Variants in MAK observed in about 807,000 individuals in gnomAD.
The protein encoded by MAK is serine/threonine-protein kinase MAK.
A neutral mutation model predicts 82.6 loss-of-function variants in MAK; 65 were observed. The ratio of observed to expected loss-of-function variants is 0.79; its 90% CI spans 0.64 to 0.97. The LOEUF is 0.97. Ranked by LOEUF, MAK falls within the 50% of genes least tolerant of loss-of-function variation. The pLI is 0.00. For synonymous variants in MAK, 250 were observed against 274.2 expected (o/e 0.91, Z 0.87); for missense variants, 703 against 780.2 (o/e 0.90, Z 1.18).
intron 11 of MAK, among the ~76,000 whole-genome samples, chr6:10,780,517 C>T (rs1257652353): frequency 1.5e-5 from 2 of 137,464 alleles, no homozygotes; most frequent in Non-Finnish European, 3.0e-5. Context: ...TGCAGTAGGG[C>T]GATCTCAGCT....
chr6:10,811,938 G>C (rs1776964896), intron 5 of MAK, among the ~76,000 whole-genome samples: 1 of 152,134 alleles, frequency 6.6e-6, no homozygotes, highest in African/African-American at 2.4e-5. Context: ...GATGGCTCCT[G>C]CCTGTAATCC....
intron 10 of MAK, among the ~76,000 whole-genome samples, chr6:10,789,023 A>G (rs1411051021): frequency 6.6e-6 from 1 of 152,150 alleles, no homozygotes; most frequent in South Asian, 2.1e-4. Context: ...TATCCATAAT[A>G]CACTCTGATC....
chr6:10,811,778 A>T (rs1249534119), intron 5 of MAK, among the ~76,000 whole-genome samples: 5 of 152,230 alleles, frequency 3.3e-5, no homozygotes, highest in Non-Finnish European at 1.5e-5. Flanking sequence ...TTCTTAAAAC[A>T]TTCTAAACAT....
At chr6:10,818,677 A>C (rs1468525831) in intron 3 of MAK, among the ~76,000 whole-genome samples, 1 of 152,146 alleles carries the variant, frequency 6.6e-6, no homozygotes, top group Non-Finnish European at 1.5e-5. Context: ...TTAAAAGTGA[A>C]AGTGAATTTT....
chr6:10,767,912 T>C (rs1444316838), intron 14 of MAK, among the ~76,000 whole-genome samples: 2 of 152,166 alleles, frequency 1.3e-5, no homozygotes, highest in Non-Finnish European at 2.9e-5. Context: ...GGTTTTATTT[T>C]CTTGTGGGAA....
At chr6:10,813,120 ATATATATATATATAAATTTTT>A (rs1777138186) in intron 5 of MAK, among the ~76,000 whole-genome samples, 10 of 1,590 alleles carry the variant, frequency 6.3e-3, no homozygotes, top group Non-Finnish European at 8.5e-3. Context: ...ATATATATAT[ATATATATATATATAAATTTTT>A]TTTTTTTTTT....
chr6:10,799,856 T>C (rs909538222), intron 8 of MAK, among the ~76,000 whole-genome samples: 2 of 151,962 alleles, frequency 1.3e-5, no homozygotes, highest in Non-Finnish European at 2.9e-5. Flanking sequence ...AAGATCAGCC[T>C]GACCAACAAG....
chr6:10,826,058 G>A (rs566035), intron 2 of MAK, among the ~76,000 whole-genome samples: 7,222 of 152,004 alleles, frequency 0.048, 220 homozygotes, highest in Admixed American at 0.094. Context: ...AGATATACAC[G>A]CTCCTTCATC....
chr6:10,827,625 A>C (rs746847995), intron 2 of MAK: 3 of 152,140 alleles, frequency 2.0e-5, no homozygotes, highest in Non-Finnish European at 4.4e-5. Context: ...TGAATTATGT[A>C]GGTTAGGGAA....
chr6:10,796,290 A>C lies in MAK; in HGVS notation c.851T>G (p.Phe284Cys), dbSNP rs763618857. The C allele has an allele frequency of 3.1e-6, 5 of 1,613,642 alleles. No individual in the cohort carries two copies. The highest frequency in any genetic ancestry group is 4.2e-6 in the Non-Finnish European group (5 of 1,179,938). The change falls in exon 9 of 15, where the codon TTT becomes TGT. Residue 284 changes from phenylalanine to cysteine, a missense_variant. Phe to Cys is a radical substitution (Grantham distance 205, BLOSUM62 -2). Coordinates refer to ENST00000354489, the MANE Select transcript of MAK (RefSeq NM_001242957.3). ...TASQALKHPYFQVGQVLGPSS... is the reference protein window; with the variant it reads ...TASQALKHPYCQVGQVLGPSS... ...AGGGCCTAATACCTGACCAACTTGA[A>C]AATATGGGTGTTTCAATGCCTATAA...
chr6:10,799,735 A>G (rs1425837565), intron 8 of MAK, among the ~76,000 whole-genome samples: 8 of 152,250 alleles, frequency 5.3e-5, no homozygotes, highest in Admixed American at 4.6e-4. Context: ...GATCAACAGC[A>G]GCCTGGCCAA....
At chr6:10,770,411 A>G (rs919229786) in intron 13 of MAK, among the ~76,000 whole-genome samples, 181 bp from the exon 14 acceptor site, 1 of 152,174 alleles carries the variant, frequency 6.6e-6, no homozygotes, top group African/African-American at 2.4e-5. Context: ...CGCTTAGATC[A>G]TATTAGTATC....
intron 2 of MAK, among the ~76,000 whole-genome samples, chr6:10,822,146 CAAA>C (rs751345869): frequency 1.9e-4 from 7 of 36,540 alleles, no homozygotes; most frequent in African/African-American, 4.1e-4. Context: ...GACTCCGTCT[CAAA>C]AAAAAAAAAA....
At chr6:10,817,418 G>A (rs1009858904) in intron 4 of MAK, among the ~76,000 whole-genome samples, 1 of 152,130 alleles carries the variant, frequency 6.6e-6, no homozygotes, top group Non-Finnish European at 1.5e-5. Flanking sequence ...ACTGACTTGT[G>A]CATTCTAATG....
chr6:10,798,893 G>A lies in MAK; in HGVS notation c.832-2584C>T, dbSNP rs564710258. Reference sequence around the variant, plus strand: ...CACCCAGGCTGGAGTGCAGTGGCACGATCTTGGCTCATTGCAACCTCCGCC... The same window carrying A: ...CACCCAGGCTGGAGTGCAGTGGCACAATCTTGGCTCATTGCAACCTCCGCC... On this transcript the variant is annotated intron_variant, in intron 8 of 14. Transcript: ENST00000354489. 7.7e-4 allele frequency among the ~76,000 whole-genome samples: 117 copies of A among 151,784 alleles called. 2 individuals carry two copies. The highest frequency in any genetic ancestry group is 2.5e-3 in the African/African-American group (104 of 41,424).
chr6:10,820,945 TTTTA>T (rs749213401), intron 2 of MAK, among the ~76,000 whole-genome samples: 54 of 152,248 alleles, frequency 3.5e-4, no homozygotes, highest in South Asian at 6.2e-4. Flanking sequence ...CTATGATTCT[TTTTA>T]TTTATTTTAT....
At chr6:10,809,242 A>C (rs2127565380) in intron 5 of MAK, among the ~76,000 whole-genome samples, 1 of 152,334 alleles carries the variant, frequency 6.6e-6, no homozygotes, top group South Asian at 2.1e-4. Context: ...AGGTATTACC[A>C]CACTATGATT....
chr6:10,780,870 TTTC>T (rs981244622), intron 11 of MAK, among the ~76,000 whole-genome samples: 2 of 152,164 alleles, frequency 1.3e-5, no homozygotes, highest in African/African-American at 4.8e-5. Flanking sequence ...TCTCTCAGAA[TTTC>T]TTTTTTCTTT....
chr6:10,835,053 C>A (rs1455615207), intron 1 of MAK, among the ~76,000 whole-genome samples: 3 of 152,146 alleles, frequency 2.0e-5, no homozygotes, highest in Non-Finnish European at 4.4e-5. Context: ...ATGGTCGCAC[C>A]GCTCCCCCGC....
Sources: allele counts gnomAD v4.1 joint callset (sites outside exome capture counted in the v4.1 genomes callset), GRCh38; gene constraint gnomAD v4.1.1; transcripts MANE v1.5; gene names NCBI Gene and HGNC (gene_info 2026-07-23, HGNC 2026-07-21).